The following NALF1 variants were observed in gnomAD, a reference collection of about 807,000 sequenced individuals.
NALF1 encodes family with sequence similarity 155 member A.
In NALF1, 3 loss-of-function variants were observed where a neutral mutation model predicts 48.4. The ratio of observed to expected loss-of-function variants is 0.06; its 90% CI spans 0.03 to 0.16. The LOEUF (loss-of-function observed/expected upper bound fraction) is 0.16, where lower values mean the gene tolerates loss of function less well. NALF1 is among the 10% of genes least tolerant of loss of function. The pLI is 1.00. For synonymous variants in NALF1, 262 were observed against 245.7 expected (o/e 1.07, Z -0.62); for missense variants, 526 against 571.5 (o/e 0.92, Z 0.81).
At chr13:107,861,879 G>A (rs756668709) in intron 1 of NALF1, among the ~76,000 whole-genome samples, 8 of 151,834 alleles carry the variant, frequency 5.3e-5, no homozygotes, top group Non-Finnish European at 1.0e-4. Context: ...CAAACTCTAT[G>A]TTCTCAAACT....
chr13:107,202,135 T>C (rs1171176288), intron 2 of NALF1, among the ~76,000 whole-genome samples: 3 of 152,168 alleles, frequency 2.0e-5, no homozygotes, highest in Non-Finnish European at 4.4e-5. Flanking sequence ...AATTTACACA[T>C]TTATTCCATC....
At chr13:107,493,332 G>A (rs1875209207) in intron 1 of NALF1, among the ~76,000 whole-genome samples, 1 of 152,136 alleles carries the variant, frequency 6.6e-6, no homozygotes, top group African/African-American at 2.4e-5. Flanking sequence ...GCCTTTTCCT[G>A]TACATCGTGT....
intron 1 of NALF1, among the ~76,000 whole-genome samples, chr13:107,774,682 T>C (rs974143413): frequency 2.0e-5 from 3 of 152,202 alleles, no homozygotes; most frequent in Admixed American, 6.5e-5. Context: ...ACCTATTATA[T>C]GCAAAGCTTC....
chr13:107,624,981 T>C (rs997250518), intron 1 of NALF1, among the ~76,000 whole-genome samples: 4 of 152,174 alleles, frequency 2.6e-5, no homozygotes, highest in African/African-American at 9.6e-5. Flanking sequence ...ATGCACAGTT[T>C]TATTCTCCAT....
intron 1 of NALF1, among the ~76,000 whole-genome samples, chr13:107,673,002 C>T (rs1243834055): frequency 6.6e-6 from 1 of 152,140 alleles, no homozygotes; most frequent in Admixed American, 6.6e-5. Context: ...TCTAGATGCT[C>T]ACTTCTAACT....
At chr13:107,450,841 A>C (rs562737285) in intron 1 of NALF1, among the ~76,000 whole-genome samples, 4 of 152,216 alleles carry the variant, frequency 2.6e-5, no homozygotes, top group Admixed American at 6.5e-5. Flanking sequence ...CCAATACTAA[A>C]TATTTAACTA....
intron 1 of NALF1, among the ~76,000 whole-genome samples, chr13:107,633,721 G>GTGTA (rs1455134331): frequency 3.4e-5 from 5 of 145,808 alleles, no homozygotes; most frequent in Admixed American, 6.9e-5. Flanking sequence ...ATATGTGTGT[G>GTGTA]TATATATATA....
chr13:107,674,478 C>T (rs908177589), intron 1 of NALF1, among the ~76,000 whole-genome samples: 16 of 152,158 alleles, frequency 1.1e-4, no homozygotes, highest in African/African-American at 3.6e-4. Flanking sequence ...TCCTCTGAAC[C>T]TTATGCCCTT....
intron 1 of NALF1, among the ~76,000 whole-genome samples, chr13:107,212,208 C>T (rs946489938): frequency 6.6e-6 from 1 of 152,142 alleles, no homozygotes; most frequent in Non-Finnish European, 1.5e-5. Context: ...ATTCTGTGAT[C>T]AAGGTGACTT....
At chr13:107,624,936 T>A (rs1879627074) in intron 1 of NALF1, among the ~76,000 whole-genome samples, 1 of 152,202 alleles carries the variant, frequency 6.6e-6, no homozygotes, top group African/African-American at 2.4e-5. Context: ...CACTCAAATG[T>A]TCTAACCCGT....
chr13:107,755,316 T>C (rs1405679795), intron 1 of NALF1, among the ~76,000 whole-genome samples: 1 of 152,090 alleles, frequency 6.6e-6, no homozygotes, highest in Non-Finnish European at 1.5e-5. Flanking sequence ...TCACTCTAGC[T>C]GCACTTCTCC....
At chr13:107,559,273 G>T (rs762990202) in intron 1 of NALF1, among the ~76,000 whole-genome samples, 1 of 152,110 alleles carries the variant, frequency 6.6e-6, no homozygotes, top group African/African-American at 2.4e-5. Context: ...ACAGAAAACA[G>T]TCCGGATAAG....
chr13:107,329,505 TTTA>T (rs1303598609), intron 1 of NALF1, among the ~76,000 whole-genome samples: 7 of 151,952 alleles, frequency 4.6e-5, no homozygotes, highest in Non-Finnish European at 7.4e-5. Context: ...TTTTTTAAAT[TTTA>T]TTATTATTAT....
chr13:107,733,554 A>T (rs1876375216), intron 1 of NALF1, among the ~76,000 whole-genome samples: 2 of 152,026 alleles, frequency 1.3e-5, no homozygotes, highest in Non-Finnish European at 2.9e-5. Flanking sequence ...ACAAATAGTC[A>T]AAGAGAGTAA....
chr13:107,678,388 C>A (rs1881188257), intron 1 of NALF1, among the ~76,000 whole-genome samples: 1 of 152,164 alleles, frequency 6.6e-6, no homozygotes, highest in Admixed American at 6.5e-5. Flanking sequence ...TAAATGTTTA[C>A]AGGGCTTCTG....
chr13:107,488,991 C>T (rs574833211), intron 1 of NALF1, among the ~76,000 whole-genome samples: 2 of 152,134 alleles, frequency 1.3e-5, no homozygotes, highest in South Asian at 2.1e-4. Context: ...GTCAAGCTGA[C>T]AGTCAAATCA....
chr13:107,768,917 C>A (rs945421634), intron 1 of NALF1, among the ~76,000 whole-genome samples: 2 of 152,080 alleles, frequency 1.3e-5, no homozygotes, highest in African/African-American at 2.4e-5. Flanking sequence ...GACATCTATG[C>A]AGCCAAAAAA....
intron 1 of NALF1, among the ~76,000 whole-genome samples, chr13:107,222,754 G>A (rs1235141465): frequency 6.6e-6 from 1 of 152,156 alleles, no homozygotes; most frequent in Non-Finnish European, 1.5e-5. Flanking sequence ...TTAACATAAG[G>A]GCAAGAACCT....
intron 1 of NALF1, among the ~76,000 whole-genome samples, chr13:107,383,106 T>C (rs1883469641): frequency 6.6e-6 from 1 of 152,200 alleles, no homozygotes; most frequent in African/African-American, 2.4e-5. Context: ...GAATATTTTA[T>C]GACCTTATTA....
Sources: allele counts gnomAD v4.1 joint callset (sites outside exome capture counted in the v4.1 genomes callset), GRCh38; gene constraint gnomAD v4.1.1; transcripts MANE v1.5; gene names NCBI Gene and HGNC (gene_info 2026-07-23, HGNC 2026-07-21).